Variants in DLGAP2 observed in about 807,000 individuals in gnomAD.
DLGAP2 encodes the protein DLG associated protein 2.
DLGAP2 carries 26 observed loss-of-function variants against 100.3 expected under a neutral mutation model. The ratio of observed to expected loss-of-function variants is 0.26; its 90% CI spans 0.19 to 0.36. The LOEUF is 0.36. Among genes scored for constraint, DLGAP2 ranks in the 10% least tolerant of loss-of-function variants. The pLI, the probability that DLGAP2 is intolerant of heterozygous loss-of-function variation, is 1.00. For missense variants in DLGAP2, 1,858 were observed against 1,453.2 expected, an observed-to-expected ratio of 1.28 and a Z score of -4.53; for synonymous variants, 886 against 630.1, an observed-to-expected ratio of 1.41 and a Z score of -6.08.
intron 2 of DLGAP2, among the ~76,000 whole-genome samples, chr8:1,034,474 G>A (rs1802073910): frequency 1.9e-5 from 1 of 52,248 alleles, no homozygotes; most frequent in Admixed American, 1.6e-4. Context: ...CACCACGAGT[G>A]GGTTCACAGC....
At chr8:1,355,562 T>C (rs2129638159) in intron 3 of DLGAP2, among the ~76,000 whole-genome samples, 1 of 152,152 alleles carries the variant, frequency 6.6e-6, no homozygotes, top group East Asian at 1.9e-4. Context: ...GCGGGGTTTC[T>C]CCATGTTGGT....
chr8:1,556,815 A>T (rs1216433075), intron 5 of DLGAP2, among the ~76,000 whole-genome samples: 1 of 152,188 alleles, frequency 6.6e-6, no homozygotes, highest in Non-Finnish European at 1.5e-5. Flanking sequence ...AAGACTTCCC[A>T]CCCAAGCTAA....
Position 1,578,033 on chromosome 8 carries a change from G to A in DLGAP2, c.1442+12139G>A, listed in dbSNP as rs536141183. ...TAAGTTTATCTTATACCCAAAGTCT[G>A]CTTTAAACAAAATTGGTGATTCTAT... is the stretch of plus-strand genomic sequence containing the variant. On this transcript the variant is annotated intron_variant, in intron 6 of 14. Coordinates refer to ENST00000637795, the MANE Select transcript of DLGAP2 (RefSeq NM_001346810.2). 5.3e-5 allele frequency among the ~76,000 whole-genome samples: 8 copies of A among 152,376 alleles called. No individual in the cohort carries two copies. In the South Asian group the frequency reaches 6.2e-4, roughly 12 times the overall value.
intron 1 of DLGAP2, among the ~76,000 whole-genome samples, chr8:803,026 A>G (rs1346949218): frequency 6.6e-6 from 1 of 152,230 alleles, no homozygotes; most frequent in East Asian, 1.9e-4. Context: ...GGGTTTGAGT[A>G]AGGTGAGAAG....
chr8:749,716 G>C lies in DLGAP2; in HGVS notation c.18+11891G>C, dbSNP rs1032842224. ...CTAGGAACAGAATTATTGATTAATG[G>C]GTGTGTTTAGTTTCCTAGGGGCTGC... On this transcript the variant is annotated intron_variant, in intron 1 of 14. Transcript: ENST00000637795. 7.9e-5 allele frequency among the ~76,000 whole-genome samples: 12 copies of C among 152,216 alleles called. No homozygotes were observed. In the East Asian group the frequency reaches 2.3e-3, roughly 29 times the overall value.
chr8:806,697 G>A (rs1219781314), intron 1 of DLGAP2, among the ~76,000 whole-genome samples: 1 of 152,190 alleles, frequency 6.6e-6, no homozygotes, highest in Non-Finnish European at 1.5e-5. Flanking sequence ...GCATTTCAGA[G>A]AAGTCGTGAT....
At chr8:762,245 G>GGTA (rs1213482521) in intron 1 of DLGAP2, among the ~76,000 whole-genome samples, 1 of 150,602 alleles carries the variant, frequency 6.6e-6, no homozygotes, top group Non-Finnish European at 1.5e-5. Flanking sequence ...ACCATGAAGT[G>GGTA]GTAGCAGTTT....
At chr8:1,197,824 C>G (rs1797785554) in intron 2 of DLGAP2, among the ~76,000 whole-genome samples, 1 of 152,172 alleles carries the variant, frequency 6.6e-6, no homozygotes, top group Admixed American at 6.5e-5. Flanking sequence ...CCTCCTGCAG[C>G]GTTCCCTCCC....
intron 2 of DLGAP2, among the ~76,000 whole-genome samples, chr8:1,200,943 G>A (rs1797858490): frequency 6.6e-6 from 1 of 152,234 alleles, no homozygotes; most frequent in East Asian, 1.9e-4. Flanking sequence ...CTCCAGGAGC[G>A]TGTTGTGCAC....
chr8:900,323 G>A (rs1798226925), intron 1 of DLGAP2, among the ~76,000 whole-genome samples: 3 of 150,680 alleles, frequency 2.0e-5, no homozygotes, highest in Non-Finnish European at 3.0e-5. Context: ...TCCTCTTCAC[G>A]GTGTCGCTCC....
intron 4 of DLGAP2, among the ~76,000 whole-genome samples, chr8:1,514,142 C>G (rs1800276758): frequency 1.3e-5 from 2 of 152,248 alleles, no homozygotes; most frequent in African/African-American, 4.8e-5. Context: ...GAAGCAAAGC[C>G]TGCACCCAAT....
chr8:947,771 C>T (rs890479390), intron 2 of DLGAP2, among the ~76,000 whole-genome samples: 2 of 152,194 alleles, frequency 1.3e-5, no homozygotes, highest in African/African-American at 2.4e-5. Context: ...CCGGTCCCTC[C>T]TGTGCCAGCC....
At chr8:1,050,003 C>T (rs1000528761) in intron 2 of DLGAP2, among the ~76,000 whole-genome samples, 13 of 152,222 alleles carry the variant, frequency 8.5e-5, no homozygotes, top group African/African-American at 2.9e-4. Context: ...CAGGCAGGCA[C>T]ATGCATATGT....
At chr8:948,054 G>A (rs978794647) in intron 2 of DLGAP2, among the ~76,000 whole-genome samples, 16 of 113,264 alleles carry the variant, frequency 1.4e-4, no homozygotes, top group Non-Finnish European at 3.0e-4. Flanking sequence ...TGACCCCACC[G>A]CGTGTGCGCC....
chr8:826,720 T>C (rs958960515), intron 1 of DLGAP2, among the ~76,000 whole-genome samples: 17 of 152,180 alleles, frequency 1.1e-4, no homozygotes, highest in Non-Finnish European at 2.2e-4. Context: ...CATGCTGACT[T>C]GTCTCTTCTG....
rs180996665 is a variant in DLGAP2 at position 1,215,901 on chromosome 8, G to C, written c.74-42950G>C. Among the ~76,000 whole-genome samples, 406 of 147,710 alleles carry C rather than the reference G, an allele frequency of 2.7e-3. 6 individuals are homozygous for C. The highest frequency in any genetic ancestry group is 0.025 in the Middle Eastern group (7 of 280). ...TCCAGGTACCTCCATGGGTTCATTT[G>C]GGTGCATTACCTGGAGACGTCCAGG... On this transcript the variant is annotated intron_variant, in intron 2 of 14. Coordinates refer to ENST00000637795, the MANE Select transcript of DLGAP2 (RefSeq NM_001346810.2).
intron 1 of DLGAP2, among the ~76,000 whole-genome samples, chr8:835,975 G>C (rs752252638): frequency 1.3e-5 from 2 of 152,088 alleles, no homozygotes; most frequent in Non-Finnish European, 2.9e-5. Flanking sequence ...GTCATTTTTG[G>C]GTGTAAGACA....
intron 1 of DLGAP2, among the ~76,000 whole-genome samples, chr8:814,582 C>G (rs1796428951): frequency 6.6e-6 from 1 of 151,792 alleles, no homozygotes; most frequent in South Asian, 2.1e-4. Context: ...TGTAAAATGA[C>G]CAATTAGAAA....
chr8:1,121,675 C>G (rs1003970767), intron 2 of DLGAP2, among the ~76,000 whole-genome samples: 5 of 152,004 alleles, frequency 3.3e-5, no homozygotes, highest in African/African-American at 1.2e-4. Context: ...GAACCCCTGA[C>G]CACCCAACCT....
Sources: gnomAD v4.1 joint callset for allele counts (sites outside exome capture counted in the v4.1 genomes callset) on GRCh38, gnomAD v4.1.1 for gene constraint, MANE v1.5 for transcripts, NCBI Gene and HGNC (gene_info 2026-07-23, HGNC 2026-07-21) for gene names.